SLC34A2: variants seen among roughly 807,000 people sequenced by gnomAD.
The protein encoded by SLC34A2 is sodium-dependent phosphate transport protein 2B.
A neutral mutation model predicts 50.8 loss-of-function variants in SLC34A2; 41 were observed. That is an observed-to-expected ratio of 0.81 (90% CI 0.63 to 1.05). The LOEUF is 1.05. SLC34A2 is among the 50% of genes least tolerant of loss of function. The pLI, the probability that SLC34A2 is intolerant of heterozygous loss-of-function variation, is 0.00. For synonymous variants in SLC34A2, 401 were observed against 364.2 expected, an observed-to-expected ratio of 1.10 and a Z score of -1.15; for missense variants, 879 against 876.7, an observed-to-expected ratio of 1.00 and a Z score of -0.03.
rs1249238171 is a variant in SLC34A2 at position 25,667,935 on chromosome 4, A to G, written c.579A>G (p.Ser193=). Residue 193 remains serine (S), a synonymous_variant, in exon 6 of 13, where the codon TCA becomes TCG. Coordinates refer to ENST00000382051, the MANE Select transcript of SLC34A2 (RefSeq NM_006424.3). ...PIIMGANIGT[S]ITNTIVALMQ... The stretch of plus-strand genomic sequence containing the variant: ...TCATGGGGGCCAACATTGGAACGTC[A>G]ATCACCAACACTATTGTTGCGCTCA... 1 of 1,614,026 alleles carries G rather than the reference A, an allele frequency of 6.2e-7. No homozygotes were observed. Among genetic ancestry groups the G allele is most frequent in the Non-Finnish European group, 8.5e-7 (1 of 1,179,982 alleles).
chr4:25,673,624 A>G (rs77313565), intron 10 of SLC34A2, among the ~76,000 whole-genome samples: 6,262 of 152,226 alleles, frequency 0.041, 155 homozygotes, highest in Middle Eastern at 0.082. Context: ...TCACTCTTGT[A>G]AAGGAAATGT....
chr4:25,669,940 G>A, intron 7 of SLC34A2, 98 bp downstream of exon 7: 1 of 1,139,982 alleles, frequency 8.8e-7, no homozygotes, highest in South Asian at 1.2e-5. Context: ...ACACTATTCT[G>A]GGCCTGGCAT....
intron 10 of SLC34A2, among the ~76,000 whole-genome samples, chr4:25,673,594 GCCCTCGCCCCCA>G (rs1390748479): frequency 6.6e-6 from 1 of 152,038 alleles, no homozygotes; most frequent in Non-Finnish European, 1.5e-5. Flanking sequence ...CCAGGTGTCT[GCCCTCGCCCCCA>G]CCTCCCTTCA....
rs1274304305 is a variant in SLC34A2, at chr4:25,678,369, G to A, written c.*1620G>A. On this transcript the variant is annotated 3_prime_UTR_variant, in exon 13 of 13. Transcript: ENST00000382051. ...GCTTCTAGTGCTCTCATTTGGAAATGAGGCAGGCTTCTTCTATGAAATGTA... is the reference window on the plus strand; with the variant it reads ...GCTTCTAGTGCTCTCATTTGGAAATAAGGCAGGCTTCTTCTATGAAATGTA... The A allele has an allele frequency of 6.4e-6, 1 of 155,706 alleles. No homozygotes were observed. The highest frequency in any genetic ancestry group is 6.3e-5 in the Admixed American group (1 of 15,910). 9.6% of individuals were successfully genotyped at this position (155,706 alleles called of 1,614,324 possible).
In SLC34A2 at chr4:25,662,550, A is replaced by G; in HGVS notation, c.50A>G (p.Tyr17Cys). 1 of 1,613,764 alleles carries G rather than the reference A, an allele frequency of 6.2e-7. No homozygotes were observed. The highest frequency in any genetic ancestry group is 8.5e-7 in the Non-Finnish European group (1 of 1,179,934). The change falls in exon 2 of 13, where the codon TAC becomes TGC. Residue 17 changes from tyrosine to cysteine, a missense_variant. Coordinates refer to ENST00000382051, the MANE Select transcript of SLC34A2 (RefSeq NM_006424.3). The part of the protein sequence containing the change: ...LGDAQPNPDK[Y>C]LEGAAGQQPT... ...GATGCCCAGCCCAACCCCGATAAGT[A>G]CCTCGAAGGGGCCGCAGGTCAGCAG...
chr4:25,671,612 C>T lies in SLC34A2; in HGVS notation c.939C>T (p.Asn313=), dbSNP rs112462030. The T allele has an allele frequency of 4.9e-5, 79 of 1,613,904 alleles. No individual in the cohort carries two copies. The highest frequency in any genetic ancestry group is 3.6e-4 in the African/African-American group (27 of 75,038). ...TGTTTGTCATCCAGACCCAGATTAACGTCACTGTTCCCTCGACTGCTAACT... is the reference window on the plus strand; with the variant it reads ...TGTTTGTCATCCAGACCCAGATTAATGTCACTGTTCCCTCGACTGCTAACT... The part of the protein sequence containing the change: ...CKTFTNKTQI[N]VTVPSTANCT... Residue 313 remains asparagine, a synonymous_variant, in exon 9 of 13, where the codon AAC becomes AAT. Transcript: ENST00000382051.
At chr4:25,664,984 G>A (rs1257223753) in intron 4 of SLC34A2, 5 of 229,758 alleles carry the variant, frequency 2.2e-5, no homozygotes, top group African/African-American at 1.1e-4. Flanking sequence ...AACCAGCCCT[G>A]AGACTCACAG....
intron 4 of SLC34A2, among the ~76,000 whole-genome samples, chr4:25,665,676 A>G (rs965527278): frequency 2.0e-5 from 3 of 151,398 alleles, no homozygotes; most frequent in Non-Finnish European, 4.4e-5. Context: ...CTAAGGGTGG[A>G]TAGAGAGATC....
In SLC34A2 at chr4:25,671,626, C is replaced by G. The variant is rs1239009061; in HGVS notation, c.953C>G (p.Ser318Trp). ...NKTQINVTVP[S>W]TANCTSPSLC... ...ACCCAGATTAACGTCACTGTTCCCT[C>G]GACTGCTAACTGCACCTCCCCTTCC... is the stretch of plus-strand genomic sequence containing the variant. The change falls in exon 9 of 13, where the codon TCG (serine) becomes TGG (tryptophan). Residue 318 changes from serine to tryptophan, a missense_variant. Ser to Trp is a radical substitution (Grantham distance 177). Transcript: ENST00000382051. 2.5e-6 allele frequency: 4 copies of G among 1,614,034 alleles called. No homozygotes were observed. Among genetic ancestry groups the G allele is most frequent in the Non-Finnish European group, 3.4e-6 (4 of 1,180,044 alleles).
In SLC34A2 at chr4:25,664,334, AGAAT is replaced by A; in HGVS notation, c.379+8_379+11del. 1.2e-6 allele frequency: 2 copies of A among 1,614,084 alleles called. No individual in the cohort carries two copies. The highest frequency in any genetic ancestry group is 1.7e-6 in the Non-Finnish European group (2 of 1,180,004). On this transcript the variant is annotated splice_donor_5th_base_variant and intron_variant, in intron 4 of 12. Transcript: ENST00000382051. ...AGCGCCTTCCAGCTGGTTGGAGGTAAGAATGAAAGGGTGAGAGGTCTGCGGGTGA... is the reference window on the plus strand; with the variant it reads ...AGCGCCTTCCAGCTGGTTGGAGGTAAGAAAGGGTGAGAGGTCTGCGGGTGA...
intron 4 of SLC34A2, among the ~76,000 whole-genome samples, chr4:25,665,888 G>A (rs994857813): frequency 6.6e-6 from 1 of 152,130 alleles, no homozygotes; most frequent in Non-Finnish European, 1.5e-5. Flanking sequence ...TCGGGAACCA[G>A]GGCAGAGAGA....
Position 25,678,636 on chromosome 4 carries a change from C to T in SLC34A2, c.*1887C>T, listed in dbSNP as rs1484659434. The T allele has an allele frequency of 8.9e-6, 3 of 337,662 alleles. No homozygotes were observed. The highest frequency in any genetic ancestry group is 6.3e-5 in the African/African-American group (3 of 47,806). The allele number at this position is 337,662 out of a possible 1,614,324, so 20.9% of individuals were successfully genotyped here. On this transcript the variant is annotated 3_prime_UTR_variant, in exon 13 of 13. Coordinates refer to ENST00000382051, the MANE Select transcript of SLC34A2 (RefSeq NM_006424.3). ...GATCAAGCAATCCGCCCACCTCAGC[C>T]TCCCAAAGTGCTGAGATCACAGGCG...
rs67542457 is a variant in SLC34A2 at position 25,678,687 on chromosome 4, ATTT to A, written c.*1955_*1957del. On this transcript the variant is annotated 3_prime_UTR_variant, in exon 13 of 13. Coordinates refer to ENST00000382051, the MANE Select transcript of SLC34A2 (RefSeq NM_006424.3). ...TGAGCCACCACCAGGCCTGATTGTA[ATTT>A]TTTTTTTTTTTTTTTTACTGGTTAT... is the stretch of plus-strand genomic sequence containing the variant. The A allele has an allele frequency of 0.033, 10,573 of 321,854 alleles. 5 individuals carry two copies. The highest frequency in any genetic ancestry group is 0.062 in the Middle Eastern group (63 of 1,016). The allele number at this position is 321,854 out of a possible 1,614,324, so 19.9% of individuals were successfully genotyped here.
rs1714583649 is a variant in SLC34A2 at position 25,667,885 on chromosome 4, ACTGTTCGGG to A, written c.533_541del (p.Val178_Ala180del). ...GGTACTTTTCCATCCTCTAGTGCTC[ACTGTTCGGG>A]CTGCCATCCCCATTATCATGGGGGC... On this transcript the variant is annotated inframe_deletion, in exon 6 of 13. Transcript: ENST00000382051. The A allele has an allele frequency of 6.2e-7, 1 of 1,610,376 alleles. No individual in the cohort carries two copies. The highest frequency in any genetic ancestry group is 8.5e-7 in the Non-Finnish European group (1 of 1,176,710).
At chr4:25,659,178 G>T (rs1714050131) in intron 1 of SLC34A2, among the ~76,000 whole-genome samples, 1 of 151,958 alleles carries the variant, frequency 6.6e-6, no homozygotes, top group South Asian at 2.1e-4. Flanking sequence ...AGCAGTCTTG[G>T]GTTCATATCC....
intron 10 of SLC34A2, 56 bp from the exon 11 acceptor site, chr4:25,674,240 C>T: frequency 7.2e-7 from 1 of 1,389,830 alleles, no homozygotes; most frequent in East Asian, 2.3e-5. Flanking sequence ...TACCCCAGGC[C>T]ACCAGGCCAT....
chr4:25,658,611 T>C (rs1245794839), intron 1 of SLC34A2, among the ~76,000 whole-genome samples: 2 of 152,154 alleles, frequency 1.3e-5, no homozygotes, highest in Non-Finnish European at 2.9e-5. Flanking sequence ...TGGGTGCCCA[T>C]GTGGTGCAGG....
chr4:25,661,581 T>A (rs1714187317), intron 1 of SLC34A2, among the ~76,000 whole-genome samples: 3 of 152,076 alleles, frequency 2.0e-5, no homozygotes, highest in Non-Finnish European at 2.9e-5. Context: ...AGAGACAGGG[T>A]TTTGACACGT....
intron 1 of SLC34A2, among the ~76,000 whole-genome samples, chr4:25,662,082 G>A (rs1418598561): frequency 6.6e-6 from 1 of 152,108 alleles, no homozygotes; most frequent in Non-Finnish European, 1.5e-5. Context: ...ATGTTGTCAA[G>A]GCTGGTCTCA....
Sources: allele counts gnomAD v4.1 joint callset (sites outside exome capture counted in the v4.1 genomes callset), GRCh38; gene constraint gnomAD v4.1.1; transcripts MANE v1.5; gene names NCBI Gene and HGNC (gene_info 2026-07-23, HGNC 2026-07-21).